The following TM9SF4 variants were observed in gnomAD, a reference collection of about 807,000 sequenced individuals.
The protein encoded by TM9SF4 is transmembrane 9 superfamily member 4.
TM9SF4 carries 26 observed loss-of-function variants against 90.4 expected under a neutral mutation model. The ratio of observed to expected loss-of-function variants is 0.29; its 90% confidence interval spans 0.21 to 0.40. TM9SF4 has a LOEUF of 0.40. Ranked by LOEUF, TM9SF4 falls within the 10% of genes least tolerant of loss-of-function variation. The pLI, the probability that TM9SF4 is intolerant of heterozygous loss-of-function variation, is 1.00. For missense variants in TM9SF4, 549 were observed against 834.8 expected, an observed-to-expected ratio of 0.66 and a Z score of 4.22; for synonymous variants, 293 against 315.4, an observed-to-expected ratio of 0.93 and a Z score of 0.75.
At chr20:32,112,570 T>C (rs1475794099) in intron 1 of TM9SF4, among the ~76,000 whole-genome samples, 3 of 151,900 alleles carry the variant, frequency 2.0e-5, no homozygotes, top group Non-Finnish European at 4.4e-5. Flanking sequence ...GGCACACACC[T>C]GTAATCCCAG....
chr20:32,150,366 C>T (rs745890682), intron 10 of TM9SF4, among the ~76,000 whole-genome samples: 1 of 152,190 alleles, frequency 6.6e-6, no homozygotes, highest in Non-Finnish European at 1.5e-5. Flanking sequence ...CTCTGTGGAC[C>T]GAAAGCTGCG....
At chr20:32,127,541 A>G (rs1197906518) in intron 1 of TM9SF4, among the ~76,000 whole-genome samples, 1 of 152,172 alleles carries the variant, frequency 6.6e-6, no homozygotes, top group Non-Finnish European at 1.5e-5. Context: ...CCGGTCTGTC[A>G]CTGTGCCTTG....
At chr20:32,133,640 G>A (rs1022715986) in intron 2 of TM9SF4, among the ~76,000 whole-genome samples, 2 of 152,186 alleles carry the variant, frequency 1.3e-5, no homozygotes, top group Non-Finnish European at 2.9e-5. Flanking sequence ...TACATGCCAG[G>A]CATTGTGCAT....
chr20:32,113,219 T>A (rs946480650), intron 1 of TM9SF4, among the ~76,000 whole-genome samples: 1 of 152,190 alleles, frequency 6.6e-6, no homozygotes, highest in East Asian at 1.9e-4. Flanking sequence ...TGCGGTGGCA[T>A]GTGAGCTTTT....
chr20:32,123,866 A>ATATATATATATATTTTT, intron 1 of TM9SF4, among the ~76,000 whole-genome samples: 5 of 93,970 alleles, frequency 5.3e-5, no homozygotes, highest in African/African-American at 2.3e-4. Flanking sequence ...ATATATATAT[A>ATATATATATATATTTTT]TTTTTTTTTT....
rs117023270 is a variant in TM9SF4, at chr20:32,141,627, C to T, written c.360C>T (p.Leu120=). The change falls in exon 4 of 18, where the codon CTC becomes CTT. Residue 120 remains leucine, a synonymous_variant. Coordinates refer to ENST00000398022, the MANE Select transcript of TM9SF4 (RefSeq NM_014742.4). Reference sequence around the variant, plus strand: ...CCCTGACAGTGGAGCAGAGCCGACTCGTGGCCGAGCGGATCACAGAAGACT... The same window carrying T: ...CCCTGACAGTGGAGCAGAGCCGACTTGTGGCCGAGCGGATCACAGAAGACT... ...PVTLTVEQSR[L]VAERITEDYY... 318 of 1,614,144 alleles carry T rather than the reference C, an allele frequency of 2.0e-4. 1 individual carries two copies. The highest frequency in any genetic ancestry group is 1.5e-3 in the East Asian group (69 of 44,872).
chr20:32,121,992 C>T (rs1444989001), intron 1 of TM9SF4, among the ~76,000 whole-genome samples: 2 of 144,056 alleles, frequency 1.4e-5, no homozygotes. Context: ...GACCCCCCCA[C>T]CTCCCTCCCG....
chr20:32,126,733 TC>T (rs1174300976), intron 1 of TM9SF4, among the ~76,000 whole-genome samples: 1 of 119,246 alleles, frequency 8.4e-6, no homozygotes, highest in Non-Finnish European at 1.6e-5. Flanking sequence ...TGAACTAATT[TC>T]TTTTTTTTTT....
intron 3 of TM9SF4, among the ~76,000 whole-genome samples, chr20:32,138,762 A>C (rs1484347039): frequency 6.6e-6 from 1 of 152,234 alleles, no homozygotes; most frequent in Non-Finnish European, 1.5e-5. Flanking sequence ...ATTCCACTGT[A>C]CTTGGTCTGC....
At position 32,140,622 on chromosome 20, in the gene TM9SF4, G is replaced by A. The variant is rs552892275; in HGVS notation, c.230-875G>A. ...GGATTGACTTCCTTTATTTCTCACT[G>A]TAACCCTGTGAGGTGGATACTGTTA... On this transcript the variant is annotated intron_variant, in intron 3 of 17. Transcript: ENST00000398022. Among the ~76,000 whole-genome samples, 4 of 152,292 alleles carry A rather than the reference G, an allele frequency of 2.6e-5. No individual in the cohort carries two copies. The South Asian group carries it at 8.3e-4, about 32-fold the overall frequency.
Position 32,165,791 on chromosome 20 carries a change from G to T in TM9SF4, c.*347G>T. The T allele has an allele frequency of 1.3e-5, 3 of 222,464 alleles. No homozygotes were observed. The highest frequency in any genetic ancestry group is 5.3e-5 in the Admixed American group (1 of 19,034). The allele number at this position is 222,464 out of a possible 1,614,324, so 13.8% of individuals were successfully genotyped here. Reference sequence around the variant, plus strand: ...TTGTTTTAACAAATGGATCCAGGATGGATAAATCCACCGAGATAAGGGTTT... The same window carrying T: ...TTGTTTTAACAAATGGATCCAGGATTGATAAATCCACCGAGATAAGGGTTT... On this transcript the variant is annotated 3_prime_UTR_variant, in exon 18 of 18. Transcript: ENST00000398022.
At chr20:32,143,317 G>A (rs1184432354) in intron 6 of TM9SF4, among the ~76,000 whole-genome samples, 1 of 152,198 alleles carries the variant, frequency 6.6e-6, no homozygotes, top group African/African-American at 2.4e-5. Flanking sequence ...CACCTTACTA[G>A]TTTACCCCTT....
chr20:32,114,642 T>G (rs1404352723), intron 1 of TM9SF4, among the ~76,000 whole-genome samples: 2 of 152,142 alleles, frequency 1.3e-5, no homozygotes, highest in Non-Finnish European at 2.9e-5. Context: ...AAAAACTGTT[T>G]TTAATGGTGA....
intron 1 of TM9SF4, among the ~76,000 whole-genome samples, chr20:32,123,891 C>G (rs1160696191): frequency 1.6e-5 from 1 of 61,514 alleles, no homozygotes; most frequent in Non-Finnish European, 3.4e-5. Context: ...GAGATAGGGT[C>G]TCCCTCTGTC....
intron 1 of TM9SF4, among the ~76,000 whole-genome samples, chr20:32,131,481 A>AGTGT (rs10524812): frequency 0.36 from 53,057 of 147,406 alleles, 9,634 homozygotes; most frequent in East Asian, 0.65. Flanking sequence ...GAGTCATCAG[A>AGTGT]GTGTGTGTGT....
Position 32,165,430 on chromosome 20 carries a change from G to A in TM9SF4, c.1915G>A (p.Val639Met). ...GTTTGTTCGCAAGATCTATGCTGCT[G>A]TGAAGATAGACTGATTGGAGTGGAC... ...YMFVRKIYAA[V>M]KID Residue 639 changes from valine (V) to methionine (M), a missense_variant, in exon 18 of 18, where the codon GTG (valine) becomes ATG (methionine). Physicochemically the swap from Val to Met is conservative, Grantham distance 21 (BLOSUM62 1). Around this residue, in one of 2 missense-constraint regions of TM9SF4, gnomAD observed 54 missense variants for 123.1 expected, o/e 0.44. Transcript: ENST00000398022. The A allele has an allele frequency of 6.2e-7, 1 of 1,614,182 alleles. No homozygotes were observed. The highest frequency in any genetic ancestry group is 8.5e-7 in the Non-Finnish European group (1 of 1,180,024).
chr20:32,160,501 G>A (rs2046999187), intron 16 of TM9SF4, among the ~76,000 whole-genome samples: 1 of 152,186 alleles, frequency 6.6e-6, no homozygotes, highest in African/African-American at 2.4e-5. Context: ...CCTCTGGGCT[G>A]GGACCCTGGC....
intron 12 of TM9SF4, among the ~76,000 whole-genome samples, chr20:32,154,651 C>T (rs1166556529): frequency 3.3e-5 from 5 of 152,002 alleles, no homozygotes; most frequent in Non-Finnish European, 5.9e-5. Context: ...CGGAGTTTCG[C>T]CATGTGGGCC....
rs2046118098 is a variant in TM9SF4 at position 32,110,060 on chromosome 20, C to G, written c.15+305C>G. Reference sequence around the variant, plus strand: ...CCACTGTGAGCCCCATTTTCCATTTCTCACCTCCCTGTCCTGACCCCTCTG... The same window carrying G: ...CCACTGTGAGCCCCATTTTCCATTTGTCACCTCCCTGTCCTGACCCCTCTG... On this transcript the variant is annotated intron_variant, in intron 1 of 17. Coordinates refer to ENST00000398022, the MANE Select transcript of TM9SF4 (RefSeq NM_014742.4). 3 of 1,337,102 alleles carry G rather than the reference C, an allele frequency of 2.2e-6. No homozygotes were observed. The East Asian group carries it at 9.4e-5, about 42-fold the overall frequency. The allele number at this position is 1,337,102 out of a possible 1,614,324, so 82.8% of individuals were successfully genotyped here.
Sources: allele counts gnomAD v4.1 joint callset (sites outside exome capture counted in the v4.1 genomes callset), GRCh38; gene constraint gnomAD v4.1.1; regional missense constraint gnomAD v4.1.1; transcripts MANE v1.5; gene names NCBI Gene and HGNC (gene_info 2026-07-23, HGNC 2026-07-21).